Variants in RBFOX2 observed in about 807,000 individuals in gnomAD.
RBFOX2 encodes RNA binding fox-1 homolog 2, also known as RNA binding protein fox-1 homolog 2.
In RBFOX2, 10 loss-of-function variants were observed where a neutral mutation model predicts 49.1. The observed-to-expected ratio is 0.20, with a 90% CI of 0.13 to 0.35. The LOEUF is 0.35. Among genes scored for constraint, RBFOX2 ranks in the 10% least tolerant of loss-of-function variants. The pLI is 1.00. For synonymous variants in RBFOX2, 183 were observed against 187.4 expected, an observed-to-expected ratio of 0.98 and a Z score of 0.19; for missense variants, 323 against 486.9, an observed-to-expected ratio of 0.66 and a Z score of 3.17.
chr22:35,761,062 A>G, intron 8 of RBFOX2, 140 bp downstream of exon 9: 1 of 700,886 alleles, frequency 1.4e-6, no homozygotes. Flanking sequence ...TAAGCAGGAC[A>G]GGGCACTGGG....
At chr22:35,899,058 C>A (rs1032245811) in intron 1 of RBFOX2, among the ~76,000 whole-genome samples, 1 of 151,736 alleles carries the variant, frequency 6.6e-6, no homozygotes, top group Non-Finnish European at 1.5e-5. Context: ...GCAGAGGTTG[C>A]GGTGAGCCGA....
intron 1 of RBFOX2, among the ~76,000 whole-genome samples, chr22:35,820,407 C>T (rs1208386939): frequency 6.6e-6 from 1 of 152,128 alleles, no homozygotes; most frequent in African/African-American, 2.4e-5. Flanking sequence ...GCTTAGAAAG[C>T]TTTTCTCCTT....
chr22:35,945,565 T>TATCCCAGCTACTCAG (rs1284692553), intron 1 of RBFOX2, among the ~76,000 whole-genome samples: 8 of 152,132 alleles, frequency 5.3e-5, no homozygotes, highest in Non-Finnish European at 1.2e-4. Flanking sequence ...CCCAGCCTCC[T>TATCCCAGCTACTCAG]GAGTAGCTGG....
chr22:35,939,015 T>A, upstream of RBFOX2: 1 of 972,724 alleles, frequency 1.0e-6, no homozygotes, highest in Non-Finnish European at 1.6e-6. Flanking sequence ...AATGTTCCAT[T>A]AACTGTATTC....
At chr22:35,952,766 G>T (rs1035474656) in intron 1 of RBFOX2, among the ~76,000 whole-genome samples, 3 of 152,132 alleles carry the variant, frequency 2.0e-5, no homozygotes, top group Admixed American at 1.3e-4. Context: ...CAGCTGCTGT[G>T]GAAAAGAGAT....
upstream of RBFOX2, among the ~76,000 whole-genome samples, chr22:35,941,127 A>G (rs1299735408): frequency 6.6e-6 from 1 of 152,224 alleles, no homozygotes; most frequent in Non-Finnish European, 1.5e-5. Context: ...AATAATAGTT[A>G]TAGGCAATGT....
At chr22:35,861,560 T>C (rs193169202) in intron 1 of RBFOX2, among the ~76,000 whole-genome samples, 1 of 152,286 alleles carries the variant, frequency 6.6e-6, no homozygotes, top group East Asian at 1.9e-4. Flanking sequence ...AGAAGCTCAG[T>C]ATCATTATTC....
intron 1 of RBFOX2, among the ~76,000 whole-genome samples, chr22:35,886,152 G>A (rs921703260): frequency 6.6e-5 from 10 of 151,974 alleles, no homozygotes; most frequent in African/African-American, 2.4e-4. Context: ...CACCGCGCCC[G>A]GCCCAAACAC....
intron 4 of RBFOX2, among the ~76,000 whole-genome samples, chr22:35,772,665 T>G (rs1185195417): frequency 6.6e-6 from 1 of 152,156 alleles, no homozygotes; most frequent in Non-Finnish European, 1.5e-5. Flanking sequence ...ATTTACCAGG[T>G]ATCTTAGCTG....
chr22:35,964,084 A>G (rs1050463623), upstream of RBFOX2, among the ~76,000 whole-genome samples: 4 of 152,186 alleles, frequency 2.6e-5, no homozygotes, highest in East Asian at 7.7e-4. Context: ...ACACAGAAAC[A>G]GAGTTCCAGT....
intron 2 of RBFOX2, among the ~76,000 whole-genome samples, chr22:35,799,665 C>A (rs186346208): frequency 6.6e-6 from 1 of 151,996 alleles, no homozygotes; most frequent in African/African-American, 2.4e-5. Flanking sequence ...ATAATTACTT[C>A]GGCTGGATGT....
chr22:35,852,481 C>CT (rs1222254769), intron 1 of RBFOX2, among the ~76,000 whole-genome samples: 3 of 131,118 alleles, frequency 2.3e-5, no homozygotes, highest in African/African-American at 5.7e-5. Flanking sequence ...TGACACCTTT[C>CT]TTTTTAAAAA....
intron 1 of RBFOX2, among the ~76,000 whole-genome samples, chr22:35,812,820 C>T (rs1952178507): frequency 6.6e-6 from 1 of 152,216 alleles, no homozygotes; most frequent in African/African-American, 2.4e-5. Flanking sequence ...CCATTCTCCA[C>T]CCCAGCCTGC....
chr22:35,780,419 T>C (rs1944891661), intron 3 of RBFOX2, among the ~76,000 whole-genome samples: 1 of 150,504 alleles, frequency 6.6e-6, no homozygotes, highest in Non-Finnish European at 1.5e-5. Context: ...AAGAGTTTGG[T>C]CAAATTCAAA....
At chr22:35,849,860 C>CT (rs1416779605) in intron 1 of RBFOX2, among the ~76,000 whole-genome samples, 1 of 152,068 alleles carries the variant, frequency 6.6e-6, no homozygotes, top group East Asian at 1.9e-4. Context: ...AAGCAAAAAG[C>CT]TTTGAGTTAC....
At chr22:35,961,900 T>G (rs952320400), upstream of RBFOX2, among the ~76,000 whole-genome samples, 2 of 152,114 alleles carry the variant, frequency 1.3e-5, no homozygotes, top group African/African-American at 2.4e-5. Flanking sequence ...AGTGGCTGCT[T>G]CACCTCCTCC....
intron 9 of RBFOX2, chr22:35,750,367 TG>T (rs1240363144): frequency 1.5e-6 from 2 of 1,353,708 alleles, no homozygotes; most frequent in African/African-American, 2.9e-5. Context: ...GATGCAAAAC[TG>T]AAGCAACCAT....
intron 1 of RBFOX2, among the ~76,000 whole-genome samples, chr22:35,888,623 C>T (rs2046885641): frequency 6.6e-6 from 1 of 152,142 alleles, no homozygotes; most frequent in Non-Finnish European, 1.5e-5. Context: ...TGCTTCCTTC[C>T]ACTCATGGCA....
intron 1 of RBFOX2, among the ~76,000 whole-genome samples, chr22:35,959,592 G>T (rs2149929993): frequency 6.6e-6 from 1 of 152,318 alleles, no homozygotes; most frequent in Admixed American, 6.5e-5. Flanking sequence ...GATTCAGTAG[G>T]TCTACAGTGG....
Sources: gnomAD v4.1 joint callset for allele counts (sites outside exome capture counted in the v4.1 genomes callset) on GRCh38, gnomAD v4.1.1 for gene constraint, MANE v1.5 for transcripts, NCBI Gene and HGNC (gene_info 2026-07-23, HGNC 2026-07-21) for gene names.